The following CCSER1 variants were observed in gnomAD, a reference collection of about 807,000 sequenced individuals.
The protein encoded by CCSER1 is coiled-coil serine rich protein 1.
A neutral mutation model predicts 82.0 loss-of-function variants in CCSER1; 41 were observed. That is an observed-to-expected ratio of 0.50 (90% CI 0.39 to 0.65). CCSER1 has a LOEUF of 0.65. Among genes scored for constraint, CCSER1 ranks in the 30% least tolerant of loss-of-function variants. The pLI is 0.00. For missense variants in CCSER1, 1,119 were observed against 1,064.2 expected (o/e 1.05, Z -0.72); for synonymous variants, 414 against 383.9 (o/e 1.08, Z -0.92).
At chr4:90,616,660 G>A (rs573007280) in intron 5 of CCSER1, among the ~76,000 whole-genome samples, 1 of 149,568 alleles carries the variant, frequency 6.7e-6, no homozygotes, top group East Asian at 2.0e-4. Context: ...ACTCCAGCCT[G>A]GGCCACAGAG....
In CCSER1 at chr4:90,138,699, CT is replaced by C. The variant is rs373525394; in HGVS notation, c.-42+10880del. Among the ~76,000 whole-genome samples, 1,183 of 145,378 alleles carry C rather than the reference CT, an allele frequency of 8.1e-3. 10 individuals carry two copies. Among genetic ancestry groups the C allele is most frequent in the African/African-American group, 0.02 (784 of 39,828 alleles). On this transcript the variant is annotated intron_variant, in intron 1 of 10. Transcript: ENST00000509176. Reference sequence around the variant, plus strand: ...ATCCTGAACACCTACTCCATGTTCACTTTTTTTTTTTTAATTATTTTACTTT... The same window carrying C: ...ATCCTGAACACCTACTCCATGTTCACTTTTTTTTTTTAATTATTTTACTTT...
chr4:90,966,850 A>G (rs908240446), intron 9 of CCSER1, among the ~76,000 whole-genome samples: 1 of 152,100 alleles, frequency 6.6e-6, no homozygotes, highest in Non-Finnish European at 1.5e-5. Flanking sequence ...ATTCATCACA[A>G]TTCCTATCAA....
intron 6 of CCSER1, among the ~76,000 whole-genome samples, chr4:90,717,308 G>C (rs1338436342): frequency 6.6e-6 from 1 of 152,074 alleles, no homozygotes; most frequent in Non-Finnish European, 1.5e-5. Context: ...AAATGAACTG[G>C]ATGCTAGGAA....
chr4:90,927,786 A>G (rs1168019220), intron 9 of CCSER1, among the ~76,000 whole-genome samples: 1 of 152,074 alleles, frequency 6.6e-6, no homozygotes, highest in African/African-American at 2.4e-5. Flanking sequence ...GTCCTAAAAA[A>G]TATGAAAATA....
At chr4:90,334,354 T>G (rs927685905) in intron 3 of CCSER1, among the ~76,000 whole-genome samples, 1 of 151,624 alleles carries the variant, frequency 6.6e-6, no homozygotes, top group Admixed American at 6.6e-5. Context: ...CACAAACAGA[T>G]AGGCCTTCTG....
intron 1 of CCSER1, among the ~76,000 whole-genome samples, chr4:90,239,191 G>A (rs934507546): frequency 9.2e-5 from 14 of 152,022 alleles, no homozygotes; most frequent in Non-Finnish European, 2.1e-4. Context: ...TTGAGTAGTT[G>A]TTTAACATGA....
At chr4:91,028,985 G>A (rs1740734657) in intron 9 of CCSER1, among the ~76,000 whole-genome samples, 1 of 152,090 alleles carries the variant, frequency 6.6e-6, no homozygotes, top group Admixed American at 6.6e-5. Context: ...CTCCTCTAAA[G>A]ACAGTCGTAG....
intron 7 of CCSER1, among the ~76,000 whole-genome samples, chr4:90,803,441 G>T (rs1840309): frequency 0.34 from 51,645 of 151,804 alleles, 8,972 homozygotes; most frequent in East Asian, 0.42. Context: ...AACTCCCACT[G>T]ATTAGTGAGA....
intron 10 of CCSER1, among the ~76,000 whole-genome samples, chr4:91,315,150 A>AGTGTGTGTGTGT (rs67135461): frequency 6.7e-6 from 1 of 149,568 alleles, no homozygotes; most frequent in African/African-American, 2.5e-5. Context: ...CGTGTGTGCA[A>AGTGTGTGTGTGT]GTGTGTGTGT....
intron 1 of CCSER1, among the ~76,000 whole-genome samples, chr4:90,163,822 C>G (rs1729932930): frequency 1.3e-5 from 2 of 152,032 alleles, no homozygotes; most frequent in South Asian, 4.1e-4. Flanking sequence ...AGCTGACTTT[C>G]TAGATTTGTA....
At chr4:91,475,049 G>A (rs1757508899) in intron 10 of CCSER1, among the ~76,000 whole-genome samples, 1 of 151,670 alleles carries the variant, frequency 6.6e-6, no homozygotes, top group Admixed American at 6.6e-5. Flanking sequence ...AGGAAGGTGA[G>A]ACAGTCTCAT....
rs1487918412 is a variant in CCSER1 at position 90,308,951 on chromosome 4, T to G, written c.667T>G (p.Leu223Val). Residue 223 changes from leucine to valine, a missense_variant, in exon 2 of 11, where the codon TTA (leucine) becomes GTA (valine). Physicochemically the swap from Leu to Val is conservative, Grantham distance 32 (BLOSUM62 1). Transcript: ENST00000509176. ...VTQYQEREPV[L>V]VRASPSCSVD... ...ACAGTACCAAGAGAGAGAACCTGTA[T>G]TAGTAAGAGCTTCGCCATCCTGTTC... is the stretch of plus-strand genomic sequence containing the variant. The G allele has an allele frequency of 6.2e-7, 1 of 1,613,838 alleles. No homozygotes were observed. The highest frequency in any genetic ancestry group is 2.2e-5 in the East Asian group (1 of 44,870).
chr4:90,787,420 CTA>C (rs1754664042), intron 7 of CCSER1, among the ~76,000 whole-genome samples: 2 of 152,160 alleles, frequency 1.3e-5, no homozygotes, highest in African/African-American at 2.4e-5. Flanking sequence ...AACTTTGTGA[CTA>C]TTTTTTTGAA....
chr4:90,615,254 G>A (rs915239131), intron 5 of CCSER1, among the ~76,000 whole-genome samples: 2 of 152,142 alleles, frequency 1.3e-5, no homozygotes, highest in African/African-American at 2.4e-5. Context: ...TTTTCATGCC[G>A]TCTAACAGAA....
chr4:90,300,735 A>G (rs957668333), intron 1 of CCSER1, among the ~76,000 whole-genome samples: 1 of 152,208 alleles, frequency 6.6e-6, no homozygotes, highest in Non-Finnish European at 1.5e-5. Context: ...ATTTAAGTGT[A>G]TGGTAGTTAG....
chr4:91,059,307 C>CATGTATATATATATACATATA (rs1376440770), intron 9 of CCSER1, among the ~76,000 whole-genome samples: 12 of 79,254 alleles, frequency 1.5e-4, no homozygotes, highest in African/African-American at 5.8e-4. Context: ...TATATATATA[C>CATGTATATATATATACATATA]GTGTATATAT....
intron 10 of CCSER1, among the ~76,000 whole-genome samples, chr4:91,549,555 G>A (rs966763770): frequency 6.6e-6 from 1 of 151,998 alleles, no homozygotes; most frequent in Admixed American, 6.6e-5. Context: ...GTCCTTTGGG[G>A]GCCAGGCAAG....
intron 10 of CCSER1, among the ~76,000 whole-genome samples, chr4:91,346,735 G>A (rs538504560): frequency 1.3e-5 from 2 of 152,206 alleles, no homozygotes; most frequent in Non-Finnish European, 2.9e-5. Context: ...AATAGCATAC[G>A]ATGTTGAGCA....
intron 8 of CCSER1, among the ~76,000 whole-genome samples, chr4:90,908,693 C>T (rs548616307): frequency 9.7e-4 from 148 of 152,184 alleles, no homozygotes; most frequent in Non-Finnish European, 1.8e-3. Context: ...ACACAAACAT[C>T]TCAGTTTACA....
Sources: gnomAD v4.1 joint callset for allele counts (sites outside exome capture counted in the v4.1 genomes callset) on GRCh38, gnomAD v4.1.1 for gene constraint, MANE v1.5 for transcripts, NCBI Gene and HGNC (gene_info 2026-07-23, HGNC 2026-07-21) for gene names.